The following RGS7 variants were observed in gnomAD, a reference collection of about 807,000 sequenced individuals.
RGS7 encodes regulator of G-protein signaling 7.
Under a neutral mutation model 81.1 loss-of-function variants are expected in RGS7, and 27 were observed. That is an observed-to-expected ratio of 0.33 (90% CI 0.25 to 0.46). RGS7 has a LOEUF of 0.46. Ranked by LOEUF, RGS7 falls within the 20% of genes least tolerant of loss-of-function variation. RGS7 has a pLI of 1.00. For synonymous variants in RGS7, 208 were observed against 207.7 expected (o/e 1.00, Z -0.01); for missense variants, 396 against 607.4 (o/e 0.65, Z 3.66).
chr1:240,936,740 AG>A lies in RGS7; in HGVS notation c.227-35del, dbSNP rs769759644. ...TGAAAACAAACAAAGAACATAAAAA[AG>A]CCTTTTAAATGTATTCTTTTATAGG... On this transcript the variant is annotated intron_variant, in intron 4 of 18. Coordinates refer to ENST00000440928, the MANE Select transcript of RGS7 (RefSeq NM_001364886.1). The A allele has an allele frequency of 2.3e-4, 353 of 1,519,058 alleles. 1 individual carries two copies. Among genetic ancestry groups the A allele is most frequent in the Admixed American group, 1.2e-3 (70 of 59,826 alleles). The allele number at this position is 1,519,058 out of a possible 1,614,324, so 94.1% of individuals were successfully genotyped here. A position where few individuals can be genotyped will look rare whatever the true frequency, so the allele number is the denominator to read the frequency against.
chr1:241,263,870 C>T lies in RGS7; in HGVS notation c.78+91829G>A, dbSNP rs117580777. On this transcript the variant is annotated intron_variant, in intron 2 of 18. Transcript: ENST00000440928. ...AAAGAGGGAACCAGGCCTGGGTGCT[C>T]TTATATCCCTGGAAACACAGCAGGA... Among the ~76,000 whole-genome samples the T allele has an allele frequency of 9.5e-4, 145 of 152,272 alleles. 2 individuals carry two copies. In the East Asian group the frequency reaches 0.024, roughly 25 times the overall value.
chr1:240,967,686 G>A (rs1191744118), intron 4 of RGS7, among the ~76,000 whole-genome samples: 2 of 152,120 alleles, frequency 1.3e-5, no homozygotes, highest in Non-Finnish European at 2.9e-5. Context: ...ATGGGGAGTA[G>A]GAAAGACACT....
chr1:240,833,162 G>A (rs955709476), intron 9 of RGS7, among the ~76,000 whole-genome samples: 6 of 152,098 alleles, frequency 3.9e-5, no homozygotes, highest in African/African-American at 1.2e-4. Context: ...AGGGTGACTC[G>A]AACACAAGCA....
intron 2 of RGS7, among the ~76,000 whole-genome samples, chr1:241,229,348 G>A (rs1056037711): frequency 1.3e-5 from 2 of 152,152 alleles, no homozygotes; most frequent in Admixed American, 1.3e-4. Flanking sequence ...AACTTCCCAC[G>A]GTAGTGAAAT....
At chr1:241,305,298 C>T (rs1342013283) in intron 2 of RGS7, among the ~76,000 whole-genome samples, 1 of 152,196 alleles carries the variant, frequency 6.6e-6, no homozygotes, top group Non-Finnish European at 1.5e-5. Flanking sequence ...CTGAACTCCA[C>T]ATCATATTGA....
At chr1:241,277,730 C>T (rs555281631) in intron 2 of RGS7, among the ~76,000 whole-genome samples, 1 of 152,054 alleles carries the variant, frequency 6.6e-6, no homozygotes, top group African/African-American at 2.4e-5. Flanking sequence ...ATCACTTGTG[C>T]GTACATTACT....
chr1:241,158,022 G>A (rs540893052), intron 2 of RGS7, among the ~76,000 whole-genome samples: 34 of 151,478 alleles, frequency 2.2e-4, no homozygotes, highest in Middle Eastern at 3.4e-3. Flanking sequence ...GGGTTTCACC[G>A]TGTTAGCCAG....
intron 6 of RGS7, among the ~76,000 whole-genome samples, chr1:240,914,373 C>T (rs914694596): frequency 6.6e-6 from 1 of 152,160 alleles, no homozygotes; most frequent in Admixed American, 6.5e-5. Flanking sequence ...TGCCAGGTTT[C>T]TCTCCTTTTC....
Position 241,327,131 on chromosome 1 carries a change from AAAG to A in RGS7, c.78+28565_78+28567del, listed in dbSNP as rs1184880271. On this transcript the variant is annotated intron_variant, in intron 2 of 18. Transcript: ENST00000440928. ...GAAAGAAAGAAAGAAAGAAAGAAAG[AAAG>A]AAAGAAAGAAAGGAAAGAAAGAAAG... 3.8e-3 allele frequency among the ~76,000 whole-genome samples: 445 copies of A among 116,490 alleles called. 26 individuals carry two copies. The highest frequency in any genetic ancestry group is 7.5e-3 in the South Asian group (26 of 3,486). The allele number at this position is 116,490 out of a possible 152,430, so 76.4% of individuals were successfully genotyped here.
chr1:241,214,793 C>T (rs1455402567), intron 2 of RGS7, among the ~76,000 whole-genome samples: 1 of 152,016 alleles, frequency 6.6e-6, no homozygotes, highest in Non-Finnish European at 1.5e-5. Context: ...TTAATCTCAT[C>T]CAGTACGTTT....
chr1:241,171,196 A>T (rs767879466), intron 2 of RGS7, among the ~76,000 whole-genome samples: 1 of 152,246 alleles, frequency 6.6e-6, no homozygotes, highest in Non-Finnish European at 1.5e-5. Context: ...CTACCTAAAT[A>T]GGTGACCGTT....
chr1:241,141,719 A>C (rs2067935699), intron 2 of RGS7, among the ~76,000 whole-genome samples: 1 of 152,178 alleles, frequency 6.6e-6, no homozygotes, highest in Admixed American at 6.5e-5. Flanking sequence ...GAATTATGGG[A>C]ACTACAATTC....
chr1:241,278,702 C>T (rs1003647388), intron 2 of RGS7, among the ~76,000 whole-genome samples: 11 of 152,174 alleles, frequency 7.2e-5, no homozygotes, highest in Admixed American at 5.2e-4. Context: ...GTTGTTTTGC[C>T]CCTCCTGTTG....
At chr1:241,125,606 A>C (rs1433779173) in intron 2 of RGS7, among the ~76,000 whole-genome samples, 3 of 152,168 alleles carry the variant, frequency 2.0e-5, no homozygotes, top group Admixed American at 6.5e-5. Flanking sequence ...TCTAGTTAGA[A>C]AAAAATTATC....
chr1:240,894,566 T>G (rs1668745057), intron 6 of RGS7, among the ~76,000 whole-genome samples: 1 of 152,170 alleles, frequency 6.6e-6, no homozygotes, highest in Non-Finnish European at 1.5e-5. Flanking sequence ...ACGACCATAT[T>G]TATTTGTATA....
At position 241,134,959 on chromosome 1, in the gene RGS7, C is replaced by T. The variant is rs541091126; in HGVS notation, c.79-36197G>A. ...CCGGCCGGAAGACACCTACCCTGGCCGGAAGACACCTACCTCTGAAGATGG... is the reference window on the plus strand; with the variant it reads ...CCGGCCGGAAGACACCTACCCTGGCTGGAAGACACCTACCTCTGAAGATGG... On this transcript the variant is annotated intron_variant, in intron 2 of 18. Transcript: ENST00000440928. 6.1e-4 allele frequency among the ~76,000 whole-genome samples: 93 copies of T among 151,468 alleles called. 1 individual carries two copies. The highest frequency in any genetic ancestry group is 9.6e-4 in the Non-Finnish European group (65 of 67,894).
At chr1:241,142,924 G>T (rs1033494951) in intron 2 of RGS7, among the ~76,000 whole-genome samples, 2 of 152,158 alleles carry the variant, frequency 1.3e-5, no homozygotes, top group Non-Finnish European at 2.9e-5. Context: ...TCTCTTGAAT[G>T]GTTTGCTACT....
chr1:241,078,301 CTGTGTGTGTGTGTG>C (rs71568986), intron 3 of RGS7, among the ~76,000 whole-genome samples: 31 of 130,270 alleles, frequency 2.4e-4, no homozygotes, highest in South Asian at 5.3e-4. Context: ...CTTCTGGTCT[CTGTGTGTGTGTGTG>C]TGTGTGTGTG....
intron 3 of RGS7, among the ~76,000 whole-genome samples, chr1:241,020,020 G>C (rs1483374929): frequency 6.6e-6 from 1 of 152,204 alleles, no homozygotes; most frequent in Non-Finnish European, 1.5e-5. Flanking sequence ...TTGCATATTG[G>C]AAATAAAAGT....
Sources: allele counts gnomAD v4.1 joint callset (sites outside exome capture counted in the v4.1 genomes callset), GRCh38; gene constraint gnomAD v4.1.1; transcripts MANE v1.5; gene names NCBI Gene and HGNC (gene_info 2026-07-23, HGNC 2026-07-21).